The following NFXL1 variants were observed in gnomAD, a reference collection of about 807,000 sequenced individuals.
The protein encoded by NFXL1 is NF-X1-type zinc finger protein NFXL1.
NFXL1 carries 66 observed loss-of-function variants against 123.3 expected under a neutral mutation model. That is an observed-to-expected ratio of 0.54 (90% CI 0.44 to 0.66). NFXL1 has a LOEUF of 0.66. Ranked by LOEUF, NFXL1 falls within the 30% of genes least tolerant of loss-of-function variation. The probability of loss-of-function intolerance (pLI) is 0.00; values close to 1 mark genes in which losing one functional copy is unlikely to be tolerated. For missense variants in NFXL1, 944 were observed against 1,125.6 expected (o/e 0.84, Z 2.31); for synonymous variants, 346 against 360.8 (o/e 0.96, Z 0.46).
chr4:47,887,973 T>A (rs1215895648), intron 12 of NFXL1, among the ~76,000 whole-genome samples: 190 of 147,552 alleles, frequency 1.3e-3, no homozygotes, highest in African/African-American at 3.4e-3. Context: ...ATCCTGAATT[T>A]AAAAAAAAAA....
At chr4:47,857,199 C>G (rs1734464086) in intron 19 of NFXL1, among the ~76,000 whole-genome samples, 1 of 152,082 alleles carries the variant, frequency 6.6e-6, no homozygotes, top group Non-Finnish European at 1.5e-5. Context: ...GGGTATTTAT[C>G]ATCTTGAGTA....
intron 19 of NFXL1, among the ~76,000 whole-genome samples, chr4:47,860,480 T>A (rs1442075243): frequency 6.6e-6 from 1 of 152,252 alleles, no homozygotes; most frequent in African/African-American, 2.4e-5. Flanking sequence ...GATATGCTTA[T>A]GCCACTCCCA....
chr4:47,884,898 G>A (rs7654965), intron 14 of NFXL1, among the ~76,000 whole-genome samples: 52,619 of 151,822 alleles, frequency 0.35, 10,278 homozygotes, highest in Non-Finnish European at 0.44. Flanking sequence ...AGGCGGAGGC[G>A]GGCAGATCAC....
intron 17 of NFXL1, chr4:47,877,242 GAA>G: frequency 9.4e-6 from 4 of 427,438 alleles, no homozygotes; most frequent in South Asian, 1.7e-5. Context: ...AGCTATGGCA[GAA>G]ACAAAAAAAA....
At chr4:47,903,789 A>G (rs1272796609) in intron 4 of NFXL1, among the ~76,000 whole-genome samples, 1 of 152,188 alleles carries the variant, frequency 6.6e-6, no homozygotes, top group Non-Finnish European at 1.5e-5. Flanking sequence ...ATATGTACAT[A>G]TATCTCTACA....
intron 20 of NFXL1, among the ~76,000 whole-genome samples, chr4:47,854,309 A>G (rs1035700154): frequency 2.0e-5 from 3 of 151,942 alleles, no homozygotes; most frequent in African/African-American, 7.3e-5. Flanking sequence ...AATATGAAGG[A>G]AAAAAAAGGA....
At chr4:47,897,290 C>T (rs1035110790) in intron 9 of NFXL1, among the ~76,000 whole-genome samples, 11 of 152,074 alleles carry the variant, frequency 7.2e-5, no homozygotes, top group African/African-American at 2.2e-4. Flanking sequence ...CCAGCCTGGG[C>T]GACAGGATAA....
At chr4:47,880,954 T>G (rs1187896773) in intron 15 of NFXL1, among the ~76,000 whole-genome samples, 1 of 151,178 alleles carries the variant, frequency 6.6e-6, no homozygotes, top group Non-Finnish European at 1.5e-5. Flanking sequence ...ATGGAAAAGG[T>G]AGAGGGAGGA....
intron 2 of NFXL1, among the ~76,000 whole-genome samples, chr4:47,913,168 C>G (rs1289031497): frequency 6.6e-6 from 1 of 152,144 alleles, no homozygotes; most frequent in African/African-American, 2.4e-5. Context: ...CAATTCTGCT[C>G]CACACCCCCC....
At chr4:47,891,413 C>G (rs114326952) in intron 11 of NFXL1, among the ~76,000 whole-genome samples, 1 of 152,060 alleles carries the variant, frequency 6.6e-6, no homozygotes, top group Admixed American at 6.5e-5. Context: ...CTCCTGGCTT[C>G]GTTTGGCAGT....
intron 12 of NFXL1, among the ~76,000 whole-genome samples, chr4:47,888,357 G>T (rs1460229943): frequency 6.6e-6 from 1 of 152,182 alleles, no homozygotes; most frequent in East Asian, 1.9e-4. Flanking sequence ...ATAAATTACT[G>T]TATAATTCTG....
intron 16 of NFXL1, 46 bp downstream of exon 16, chr4:47,879,050 C>G (rs917339104): frequency 8.9e-7 from 1 of 1,124,248 alleles, no homozygotes; most frequent in African/African-American, 1.6e-5. Flanking sequence ...TAGTATGTAA[C>G]AGTATAGATT....
At chr4:47,868,054 G>A (rs554358397) in intron 18 of NFXL1, among the ~76,000 whole-genome samples, 11 of 152,266 alleles carry the variant, frequency 7.2e-5, no homozygotes, top group African/African-American at 1.4e-4. Context: ...AGTGGCTCAC[G>A]CCTGTAATCT....
At chr4:47,889,314 G>A (rs916351233) in intron 12 of NFXL1, among the ~76,000 whole-genome samples, 8 of 152,192 alleles carry the variant, frequency 5.3e-5, no homozygotes, top group African/African-American at 1.9e-4. Context: ...TCTAGTGTTG[G>A]TGAGAGCATA....
chr4:47,858,119 C>G (rs910499725), intron 19 of NFXL1, among the ~76,000 whole-genome samples: 29 of 152,142 alleles, frequency 1.9e-4, no homozygotes, highest in Admixed American at 6.5e-5. Context: ...CACCTCTAAT[C>G]CTGAAAACGT....
intron 19 of NFXL1, among the ~76,000 whole-genome samples, chr4:47,860,115 C>A (rs1166767862): frequency 6.6e-6 from 1 of 151,792 alleles, no homozygotes; most frequent in Non-Finnish European, 1.5e-5. Flanking sequence ...TAAAAATTGC[C>A]AAGAGAGATT....
chr4:47,896,659 C>G lies in NFXL1; in HGVS notation c.1205-12G>C, dbSNP rs527239252. The G allele has an allele frequency of 6.3e-6, 10 of 1,586,086 alleles. No individual in the cohort carries two copies. In the East Asian group the frequency reaches 1.3e-4, roughly 21 times the overall value. On this transcript the variant is annotated splice_polypyrimidine_tract_variant and intron_variant, in intron 9 of 22. Transcript: ENST00000507489. ...AGGCAAAGAAAACTCTAAAAACATACAAAAAGTCAATGTTAATAATGAGAC... is the reference window on the plus strand; with the variant it reads ...AGGCAAAGAAAACTCTAAAAACATAGAAAAAGTCAATGTTAATAATGAGAC...
At chr4:47,885,219 C>G (rs1736354837) in intron 14 of NFXL1, among the ~76,000 whole-genome samples, 1 of 151,794 alleles carries the variant, frequency 6.6e-6, no homozygotes, top group East Asian at 1.9e-4. Context: ...TAGGAGATAT[C>G]TATAACCCTA....
chr4:47,876,014 T>C (rs1171253323), intron 17 of NFXL1, among the ~76,000 whole-genome samples: 1 of 152,134 alleles, frequency 6.6e-6, no homozygotes, highest in Admixed American at 6.6e-5. Flanking sequence ...AAGAGAGCTA[T>C]AGACATGGAT....
Sources: gnomAD v4.1 joint callset for allele counts (sites outside exome capture counted in the v4.1 genomes callset) on GRCh38, gnomAD v4.1.1 for gene constraint, MANE v1.5 for transcripts, NCBI Gene and HGNC (gene_info 2026-07-23, HGNC 2026-07-21) for gene names.